USP43: variants seen among roughly 807,000 people sequenced by gnomAD.
USP43 encodes ubiquitin carboxyl-terminal hydrolase 43.
Under a neutral mutation model 90.7 loss-of-function variants are expected in USP43, and 33 were observed. That is an observed-to-expected ratio of 0.36 (90% CI 0.28 to 0.49). The LOEUF is 0.49. Ranked by LOEUF, USP43 falls within the 20% of genes least tolerant of loss-of-function variation. The pLI is 0.98. For synonymous variants in USP43, 598 were observed against 615.8 expected, an observed-to-expected ratio of 0.97 and a Z score of 0.43; for missense variants, 1,274 against 1,476.4, an observed-to-expected ratio of 0.86 and a Z score of 2.25.
In USP43 at chr17:9,680,986, A is replaced by G. The variant is rs1190327177; in HGVS notation, c.1105+620A>G. 4.9e-5 allele frequency among the ~76,000 whole-genome samples: 7 copies of G among 141,424 alleles called. No individual in the cohort carries two copies. The Admixed American group carries it at 5.4e-4, about 11-fold the overall frequency. The allele number at this position is 141,424 out of a possible 152,430, so 92.8% of individuals were successfully genotyped here. A position where few individuals can be genotyped will look rare whatever the true frequency, so the allele number is the denominator to read the frequency against. ...TTGGCCAAGTTAGTGAAGAAGACCCATATATATATTATATATTATATGTAA... is the reference window on the plus strand; with the variant it reads ...TTGGCCAAGTTAGTGAAGAAGACCCGTATATATATTATATATTATATGTAA... On this transcript the variant is annotated intron_variant, in intron 6 of 14. Coordinates refer to ENST00000285199, the MANE Select transcript of USP43 (RefSeq NM_153210.5).
In USP43 at chr17:9,728,629, GGAA is replaced by G. The variant is rs748039917; in HGVS notation, c.3016_3018del (p.Lys1006del). The G allele has an allele frequency of 1.2e-5, 20 of 1,613,616 alleles. No individual in the cohort carries two copies. In the Admixed American group the frequency reaches 1.7e-4, roughly 13 times the overall value. On this transcript the variant is annotated inframe_deletion, in exon 15 of 15. Transcript: ENST00000285199. The surrounding 1 kb of genome is among the most constrained non-coding windows in gnomAD (Gnocchi z 6.2). ...CTCACCCTTCTGAGGTCCGTGTTTC[GGAA>G]GAAGGAGAACAGGAGGAATGAGAGG... is the stretch of plus-strand genomic sequence containing the variant.
At chr17:9,702,510 T>C (rs916242388) in intron 12 of USP43, among the ~76,000 whole-genome samples, 1 of 152,218 alleles carries the variant, frequency 6.6e-6, no homozygotes, top group Admixed American at 6.5e-5. Context: ...TTTTATTCTA[T>C]GGGGTACTTT....
chr17:9,714,698 A>AAAAAAAT (rs1916397602), intron 14 of USP43, among the ~76,000 whole-genome samples: 1 of 151,766 alleles, frequency 6.6e-6, no homozygotes, highest in African/African-American at 2.4e-5. Context: ...AAAAAAAAAA[A>AAAAAAAT]AAATGAAGAC....
At chr17:9,655,491 G>A (rs145502476) in intron 1 of USP43, among the ~76,000 whole-genome samples, 1 of 152,168 alleles carries the variant, frequency 6.6e-6, no homozygotes, top group African/African-American at 2.4e-5. Context: ...TTTAGTATGT[G>A]CATATATTAC....
At chr17:9,651,270 C>T (rs1442080881) in intron 1 of USP43, among the ~76,000 whole-genome samples, 1 of 151,914 alleles carries the variant, frequency 6.6e-6, no homozygotes, top group Non-Finnish European at 1.5e-5. Flanking sequence ...TGGCTCACTG[C>T]AACCTCTGCC....
intron 14 of USP43, among the ~76,000 whole-genome samples, chr17:9,718,492 A>G (rs530314836): frequency 6.6e-6 from 1 of 152,262 alleles, no homozygotes; most frequent in East Asian, 1.9e-4. Flanking sequence ...CCAAAATTTC[A>G]TGAGTAGACA....
At chr17:9,694,524 A>G (rs1209356643) in intron 9 of USP43, among the ~76,000 whole-genome samples, 2 of 152,246 alleles carry the variant, frequency 1.3e-5, no homozygotes, top group African/African-American at 4.8e-5. Context: ...AGAGCAATCT[A>G]TAATATGATG....
chr17:9,660,260 C>T (rs1912552685), intron 2 of USP43, among the ~76,000 whole-genome samples: 1 of 152,132 alleles, frequency 6.6e-6, no homozygotes, highest in Admixed American at 6.5e-5. Flanking sequence ...AAGAGATTCT[C>T]CTGCCTCAGC....
intron 14 of USP43, among the ~76,000 whole-genome samples, chr17:9,720,787 C>A (rs769561825): frequency 2.0e-5 from 3 of 152,128 alleles, no homozygotes; most frequent in Non-Finnish European, 2.9e-5. Flanking sequence ...CACGCCCAGC[C>A]GGGTTTTTTT....
intron 9 of USP43, among the ~76,000 whole-genome samples, chr17:9,693,779 C>T (rs543465410): frequency 6.6e-5 from 10 of 152,046 alleles, no homozygotes; most frequent in African/African-American, 1.9e-4. Flanking sequence ...TGGAGGTTGC[C>T]GTGAGCCGAG....
intron 1 of USP43, among the ~76,000 whole-genome samples, chr17:9,652,130 A>G (rs886965276): frequency 4.6e-5 from 7 of 151,236 alleles, no homozygotes; most frequent in Admixed American, 4.0e-4. Flanking sequence ...CATGCCTGTA[A>G]TCCTAGCACT....
At chr17:9,726,079 T>C (rs1015998360) in intron 14 of USP43, among the ~76,000 whole-genome samples, 7 of 152,202 alleles carry the variant, frequency 4.6e-5, no homozygotes, top group African/African-American at 1.7e-4. Flanking sequence ...ACATTCTTTA[T>C]GAGAAACCTG....
intron 2 of USP43, among the ~76,000 whole-genome samples, chr17:9,661,940 T>G (rs1912670705): frequency 6.6e-6 from 1 of 152,024 alleles, no homozygotes; most frequent in African/African-American, 2.4e-5. Flanking sequence ...GAAGGGAACT[T>G]AGGAGAAGGC....
chr17:9,700,312 C>G, intron 10 of USP43, 63 bp downstream of exon 10: 1 of 1,498,656 alleles, frequency 6.7e-7, no homozygotes, highest in Non-Finnish European at 9.1e-7. Context: ...CCCAGGTTTC[C>G]CTGGACGCAG....
At chr17:9,662,291 A>C (rs192289176) in intron 2 of USP43, among the ~76,000 whole-genome samples, 1 of 152,246 alleles carries the variant, frequency 6.6e-6, no homozygotes, top group East Asian at 1.9e-4. Flanking sequence ...GGGGCAGTCA[A>C]AATAGGCTAG....
At position 9,710,128 on chromosome 17, in the gene USP43, C is replaced by A; in HGVS notation, c.2170+14C>A. On this transcript the variant is annotated intron_variant, in intron 13 of 14. Transcript: ENST00000285199. Reference sequence around the variant, plus strand: ...GCTCCATGAGAGGTAGGTGCTGCTGCTCATGACAGGAGGGGGGTGTGGGGA... The same window carrying A: ...GCTCCATGAGAGGTAGGTGCTGCTGATCATGACAGGAGGGGGGTGTGGGGA... The A allele has an allele frequency of 6.8e-7, 1 of 1,476,944 alleles. No homozygotes were observed. The highest frequency in any genetic ancestry group is 9.0e-7 in the Non-Finnish European group (1 of 1,110,878). 91.5% of individuals were successfully genotyped at this position (1,476,944 alleles called of 1,614,324 possible).
chr17:9,687,007 C>A, intron 8 of USP43, 98 bp downstream of exon 8: 1 of 1,035,460 alleles, frequency 9.7e-7, no homozygotes. Context: ...TTTAGTGTAG[C>A]CCAGGAGAGG....
intron 1 of USP43, among the ~76,000 whole-genome samples, chr17:9,651,561 T>G (rs1391053191): frequency 6.6e-6 from 1 of 152,230 alleles, no homozygotes; most frequent in African/African-American, 2.4e-5. Context: ...CAAAACTGTC[T>G]CCTTCTCCCA....
At chr17:9,692,552 A>T (rs1238323792) in intron 8 of USP43, among the ~76,000 whole-genome samples, 1 of 152,154 alleles carries the variant, frequency 6.6e-6, no homozygotes, top group Non-Finnish European at 1.5e-5. Context: ...ATTCCATTGA[A>T]TTTTTAAGAG....
Sources: gnomAD v4.1 joint callset for allele counts (sites outside exome capture counted in the v4.1 genomes callset) on GRCh38, gnomAD v4.1.1 for gene constraint, Gnocchi (gnomAD v3.1) non-coding constraint, MANE v1.5 for transcripts, NCBI Gene and HGNC (gene_info 2026-07-23, HGNC 2026-07-21) for gene names.